The following TTLL4 variants were observed in gnomAD, a reference collection of about 807,000 sequenced individuals.
The protein encoded by TTLL4 is tubulin monoglutamylase TTLL4.
In TTLL4, 85 loss-of-function variants were observed where a neutral mutation model predicts 122.7. The ratio of observed to expected loss-of-function variants is 0.69; its 90% confidence interval spans 0.58 to 0.83. The LOEUF (loss-of-function observed/expected upper bound fraction) is 0.83, where lower values mean the gene tolerates loss of function less well. Ranked by LOEUF, TTLL4 falls within the 40% of genes least tolerant of loss-of-function variation. TTLL4 has a pLI of 0.00. For synonymous variants in TTLL4, 553 were observed against 563.0 expected (o/e 0.98, Z 0.25); for missense variants, 1,363 against 1,488.6 (o/e 0.92, Z 1.39).
chr2:218,756,402 C>T (rs1447836700), downstream of TTLL4, among the ~76,000 whole-genome samples: 1 of 152,114 alleles, frequency 6.6e-6, no homozygotes, highest in African/African-American at 2.4e-5. Context: ...AATGAAGGTC[C>T]TAAAAGAGCA....
downstream of TTLL4, among the ~76,000 whole-genome samples, chr2:218,758,120 T>C (rs1268501879): frequency 6.6e-6 from 1 of 152,050 alleles, no homozygotes; most frequent in Admixed American, 6.6e-5. Flanking sequence ...GTTGGATCAG[T>C]GAAAGTTGCA....
intron 4 of TTLL4, 134 bp downstream of exon 4, chr2:218,740,301 G>A: frequency 2.1e-6 from 2 of 953,112 alleles, no homozygotes; most frequent in Admixed American, 2.3e-5. Flanking sequence ...TTAAGTGGGG[G>A]TAGTGCCTTC....
At chr2:218,757,507 CA>C (rs1943174319), downstream of TTLL4, among the ~76,000 whole-genome samples, 1 of 152,150 alleles carries the variant, frequency 6.6e-6, no homozygotes, top group Admixed American at 6.5e-5. Context: ...GGAAAGCAAG[CA>C]CAGTGGGTGT....
At chr2:218,736,181 C>G (rs1942517350) in intron 2 of TTLL4, 1 of 151,902 alleles carries the variant, frequency 6.6e-6, no homozygotes, top group African/African-American at 2.4e-5. Flanking sequence ...TGCGATGTTG[C>G]CCAGTATGGT....
chr2:218,744,504 C>G (rs1464853354), intron 5 of TTLL4, among the ~76,000 whole-genome samples: 1 of 152,184 alleles, frequency 6.6e-6, no homozygotes, highest in Non-Finnish European at 1.5e-5. Flanking sequence ...ACATCCATAT[C>G]TGTGTTCCCA....
At chr2:218,756,951 A>G (rs1943164458), downstream of TTLL4, among the ~76,000 whole-genome samples, 1 of 152,202 alleles carries the variant, frequency 6.6e-6, no homozygotes, top group Non-Finnish European at 1.5e-5. Context: ...TCAGGAAAGG[A>G]TCGGGAACCT....
At position 218,753,204 on chromosome 2, in the gene TTLL4, G is replaced by T; in HGVS notation, c.3258+19G>T. The T allele has an allele frequency of 6.2e-7, 1 of 1,613,890 alleles. No individual in the cohort carries two copies. The highest frequency in any genetic ancestry group is 8.5e-7 in the Non-Finnish European group (1 of 1,179,958). On this transcript the variant is annotated intron_variant, in intron 18 of 19. Coordinates refer to ENST00000392102, the MANE Select transcript of TTLL4 (RefSeq NM_014640.5). The stretch of plus-strand genomic sequence containing the variant: ...TCCAGTGGTGAGTGCTGCCAGTGTG[G>T]AGGACAGCTCCTTCTCAGGCCCCTC...
intron 4 of TTLL4, 112 bp downstream of exon 4, chr2:218,740,279 G>T: frequency 8.9e-7 from 1 of 1,117,872 alleles, no homozygotes; most frequent in Non-Finnish European, 1.3e-6. Flanking sequence ...TCAGTCATTT[G>T]CTTTGGGGGT....
chr2:218,739,584 C>A (rs952328178), intron 3 of TTLL4, among the ~76,000 whole-genome samples: 1 of 152,194 alleles, frequency 6.6e-6, no homozygotes, highest in Non-Finnish European at 1.5e-5. Context: ...TGTGACTTTC[C>A]TACTTTTTCC....
intron 13 of TTLL4, 73 bp downstream of exon 13, chr2:218,749,007 G>A (rs1942939831): frequency 9.9e-6 from 15 of 1,511,946 alleles, no homozygotes; most frequent in Non-Finnish European, 1.2e-5. Flanking sequence ...TCACACTGCT[G>A]TGCTCTGGAC....
intron 1 of TTLL4, among the ~76,000 whole-genome samples, chr2:218,726,023 A>C (rs899629409): frequency 6.6e-6 from 1 of 152,142 alleles, no homozygotes; most frequent in East Asian, 1.9e-4. Flanking sequence ...TATGCCTTCA[A>C]ATGTTTTCTT....
At chr2:218,736,444 A>G (rs532439205) in intron 2 of TTLL4, 9 of 152,338 alleles carry the variant, frequency 5.9e-5, no homozygotes, top group African/African-American at 2.2e-4. Context: ...TAAAGGAAAC[A>G]CTGATTGAGA....
chr2:218,741,361 G>C (rs527771793), intron 5 of TTLL4, among the ~76,000 whole-genome samples: 1 of 152,338 alleles, frequency 6.6e-6, no homozygotes, highest in African/African-American at 2.4e-5. Flanking sequence ...CACTGGGCTT[G>C]ACCAATATAT....
intron 12 of TTLL4, 199 bp downstream of exon 12, chr2:218,748,426 G>GATCCACCCACCTT: frequency 1.3e-6 from 1 of 786,604 alleles, no homozygotes; most frequent in Non-Finnish European, 1.9e-6. Flanking sequence ...AGGCCAAGGT[G>GATCCACCCACCTT]GGTGGATCAC....
chr2:218,753,810 G>T (rs1943089883), intron 19 of TTLL4, 141 bp downstream of exon 19: 1 of 938,596 alleles, frequency 1.1e-6, no homozygotes, highest in African/African-American at 1.6e-5. Flanking sequence ...TGCAGCCATA[G>T]CATCCTTTTT....
chr2:218,751,485 T>C, intron 15 of TTLL4: 1 of 425,676 alleles, frequency 2.3e-6, no homozygotes, highest in Non-Finnish European at 3.1e-6. Flanking sequence ...AAATTCAACC[T>C]AAAGCTGGTG....
At chr2:218,740,227 G>T in intron 4 of TTLL4, 60 bp downstream of exon 4, 1 of 1,508,136 alleles carries the variant, frequency 6.6e-7, no homozygotes, top group Non-Finnish European at 9.2e-7. Context: ...TGGGCAGGGG[G>T]CTGACAATTG....
intron 19 of TTLL4, 65 bp downstream of exon 19, chr2:218,753,734 C>A: frequency 6.4e-7 from 1 of 1,551,184 alleles, no homozygotes. Context: ...CTTCCTTCCC[C>A]TCTTCCCAGA....
At chr2:218,748,977 C>A in intron 13 of TTLL4, 43 bp downstream of exon 13, 2 of 1,589,894 alleles carry the variant, frequency 1.3e-6, no homozygotes, top group Non-Finnish European at 8.6e-7. Flanking sequence ...TGCTGCTGAC[C>A]CCCTCCTTTC....
Sources: gnomAD v4.1 joint callset for allele counts (sites outside exome capture counted in the v4.1 genomes callset) on GRCh38, gnomAD v4.1.1 for gene constraint, MANE v1.5 for transcripts, NCBI Gene and HGNC (gene_info 2026-07-23, HGNC 2026-07-21) for gene names.